Variants in CDH12 observed in about 807,000 individuals in gnomAD.
CDH12 encodes cadherin 12, also known as cadherin-12.
In CDH12, 41 loss-of-function variants were observed where a neutral mutation model predicts 74.1. The observed-to-expected ratio is 0.55, with a 90% CI of 0.43 to 0.72. CDH12 has a LOEUF of 0.72. Among genes scored for constraint, CDH12 ranks in the 30% least tolerant of loss-of-function variants. The pLI, the probability that CDH12 is intolerant of heterozygous loss-of-function variation, is 0.00. For missense variants in CDH12, 945 were observed against 977.2 expected (o/e 0.97, Z 0.44); for synonymous variants, 399 against 355.0 (o/e 1.12, Z -1.39).
At chr5:22,359,446 T>C (rs138046871) in intron 3 of CDH12, among the ~76,000 whole-genome samples, 107 of 152,234 alleles carry the variant, frequency 7.0e-4, no homozygotes, top group African/African-American at 2.0e-3. Context: ...CTTAGAGATC[T>C]ACAAAGAGAC....
intron 9 of CDH12, among the ~76,000 whole-genome samples, chr5:21,803,924 C>A (rs1001578204): frequency 6.6e-6 from 1 of 152,032 alleles, no homozygotes; most frequent in South Asian, 2.1e-4. Context: ...TTTAAATCTT[C>A]GAAAACTCAC....
intron 4 of CDH12, among the ~76,000 whole-genome samples, chr5:22,205,865 G>A (rs4333283): frequency 0.076 from 11,488 of 151,868 alleles, 748 homozygotes; most frequent in African/African-American, 0.18. Context: ...TTAATTGCAA[G>A]GAATTAAATA....
At chr5:21,799,253 A>G (rs1746976877) in intron 10 of CDH12, among the ~76,000 whole-genome samples, 1 of 152,160 alleles carries the variant, frequency 6.6e-6, no homozygotes. Context: ...TGATGAAATT[A>G]TTAGATATTT....
chr5:22,552,822 C>T (rs1738634230), intron 1 of CDH12, among the ~76,000 whole-genome samples: 1 of 151,916 alleles, frequency 6.6e-6, no homozygotes, highest in African/African-American at 2.4e-5. Flanking sequence ...TTTTTTATCC[C>T]AATGGATTCT....
At chr5:22,549,662 T>A (rs2126731540) in intron 1 of CDH12, among the ~76,000 whole-genome samples, 1 of 152,314 alleles carries the variant, frequency 6.6e-6, no homozygotes, top group African/African-American at 2.4e-5. Flanking sequence ...ACTGGAAATT[T>A]CTAATATAGA....
chr5:21,758,629 C>T (rs540643907), intron 13 of CDH12, among the ~76,000 whole-genome samples: 2 of 152,242 alleles, frequency 1.3e-5, no homozygotes, highest in African/African-American at 2.4e-5. Flanking sequence ...CTGATTGATA[C>T]TCAACCTTAA....
intron 2 of CDH12, among the ~76,000 whole-genome samples, chr5:22,420,940 T>C (rs1044832972): frequency 6.6e-6 from 1 of 152,168 alleles, no homozygotes. Context: ...TATTTTATTC[T>C]TTTTGTAGCA....
chr5:22,570,489 C>T (rs1033895309), intron 1 of CDH12, among the ~76,000 whole-genome samples: 2 of 151,644 alleles, frequency 1.3e-5, no homozygotes, highest in African/African-American at 4.8e-5. Flanking sequence ...CTTGGGTGAC[C>T]AGATGCAATG....
rs375309753 is a variant in CDH12 at position 22,689,050 on chromosome 5, G to C, written c.-523+164008C>G. Among the ~76,000 whole-genome samples the C allele has an allele frequency of 6.6e-5, 10 of 152,196 alleles. No individual in the cohort carries two copies. The East Asian group carries it at 1.5e-3, about 23-fold the overall frequency. ...ATTAAAAGGAGAAATGTTAAGAAGA[G>C]GAAAGGGATTGTCTAAATAGCAGTA... On this transcript the variant is annotated intron_variant, in intron 1 of 14. Coordinates refer to ENST00000382254, the MANE Select transcript of CDH12 (RefSeq NM_004061.5).
intron 4 of CDH12, among the ~76,000 whole-genome samples, chr5:22,200,363 A>T (rs1164644380): frequency 6.6e-6 from 1 of 152,162 alleles, no homozygotes; most frequent in Non-Finnish European, 1.5e-5. Context: ...TATGAAATAC[A>T]AAGCTATAAG....
chr5:22,136,536 C>T (rs921211944), intron 4 of CDH12, among the ~76,000 whole-genome samples: 3 of 151,240 alleles, frequency 2.0e-5, no homozygotes, highest in African/African-American at 7.3e-5. Flanking sequence ...ACTAAAAATA[C>T]CATTATGAAG....
intron 1 of CDH12, among the ~76,000 whole-genome samples, chr5:22,622,366 C>T (rs536229639): frequency 2.5e-4 from 38 of 152,008 alleles, no homozygotes; most frequent in Admixed American, 1.7e-3. Flanking sequence ...AAAGGGAAGA[C>T]GCAGACACTG....
chr5:22,143,323 G>C (rs1746928269), intron 4 of CDH12: 1 of 150,840 alleles, frequency 6.6e-6, no homozygotes, highest in South Asian at 2.1e-4. Flanking sequence ...TTGTCTTTTA[G>C]CTATCGTATT....
At chr5:22,777,585 T>C (rs1747167160) in intron 1 of CDH12, among the ~76,000 whole-genome samples, 1 of 151,870 alleles carries the variant, frequency 6.6e-6, no homozygotes, top group African/African-American at 2.4e-5. Context: ...TTTCATTTGG[T>C]TTTTGGCTCT....
At chr5:22,273,328 A>G (rs1018163499) in intron 3 of CDH12, among the ~76,000 whole-genome samples, 25 of 152,238 alleles carry the variant, frequency 1.6e-4, no homozygotes, top group African/African-American at 5.3e-4. Flanking sequence ...GATGTTGGAA[A>G]TATGGTGCTG....
At chr5:22,592,363 T>C (rs1479792171) in intron 1 of CDH12, among the ~76,000 whole-genome samples, 1 of 152,130 alleles carries the variant, frequency 6.6e-6, no homozygotes, top group Admixed American at 6.6e-5. Flanking sequence ...CAAAACTAAA[T>C]TTCATCTGCA....
intron 1 of CDH12, among the ~76,000 whole-genome samples, chr5:22,719,635 G>T (rs1363135432): frequency 6.6e-6 from 1 of 152,124 alleles, no homozygotes; most frequent in Non-Finnish European, 1.5e-5. Flanking sequence ...ATAATTTCTG[G>T]ATATGCTTTG....
intron 1 of CDH12, among the ~76,000 whole-genome samples, chr5:22,601,871 A>T (rs1199487866): frequency 1.3e-5 from 2 of 152,046 alleles, no homozygotes; most frequent in Non-Finnish European, 2.9e-5. Context: ...GATATACTAC[A>T]CTGAAGAACA....
chr5:21,811,025 G>A (rs114120078), intron 9 of CDH12, among the ~76,000 whole-genome samples: 24 of 152,146 alleles, frequency 1.6e-4, no homozygotes, highest in African/African-American at 5.3e-4. Flanking sequence ...CACCTTAGCC[G>A]ATTTGTTAAA....
Sources: gnomAD v4.1 joint callset for allele counts (sites outside exome capture counted in the v4.1 genomes callset) on GRCh38, gnomAD v4.1.1 for gene constraint, MANE v1.5 for transcripts, NCBI Gene and HGNC (gene_info 2026-07-23, HGNC 2026-07-21) for gene names.